AFDN: variants seen among roughly 807,000 people sequenced by gnomAD.
AFDN encodes the protein afadin.
A neutral mutation model predicts 216.6 loss-of-function variants in AFDN; 68 were observed. The ratio of observed to expected loss-of-function variants is 0.31; its 90% CI spans 0.26 to 0.38. AFDN has a LOEUF of 0.38. Ranked by LOEUF, AFDN falls within the 10% of genes least tolerant of loss-of-function variation. AFDN has a pLI of 1.00. For synonymous variants in AFDN, 868 were observed against 853.7 expected (o/e 1.02, Z -0.29); for missense variants, 2,136 against 2,342.0 (o/e 0.91, Z 1.82).
chr6:167,969,021 AT>A, intron 32 of AFDN, 92 bp from the exon 33 acceptor site: 1 of 981,904 alleles, frequency 1.0e-6, no homozygotes, highest in Non-Finnish European at 1.6e-6. Flanking sequence ...CAGTAAAGGT[AT>A]TTTTGTATTC....
intron 11 of AFDN, among the ~76,000 whole-genome samples, chr6:167,901,767 T>C (rs1788985856): frequency 6.6e-6 from 1 of 151,996 alleles, no homozygotes; most frequent in Non-Finnish European, 1.5e-5. Context: ...ACCTGGTTTT[T>C]TATGTTCCGT....
At chr6:167,893,113 C>G (rs1372591294) in intron 8 of AFDN, among the ~76,000 whole-genome samples, 2 of 152,142 alleles carry the variant, frequency 1.3e-5, no homozygotes, top group African/African-American at 2.4e-5. Context: ...TTAACTTGTT[C>G]CACAAATGTC....
chr6:167,946,613 T>G, intron 26 of AFDN, 94 bp from the exon 27 acceptor site: 1 of 1,152,364 alleles, frequency 8.7e-7, no homozygotes, highest in Non-Finnish European at 1.2e-6. Flanking sequence ...ATCACCTTAT[T>G]TCTTATGCTA....
At chr6:167,891,937 G>A (rs1787667699) in intron 8 of AFDN, among the ~76,000 whole-genome samples, 2 of 152,216 alleles carry the variant, frequency 1.3e-5, no homozygotes, top group Admixed American at 6.5e-5. Flanking sequence ...TATGATATAT[G>A]GCTCCATGAA....
intron 1 of AFDN, among the ~76,000 whole-genome samples, chr6:167,853,175 C>G (rs1234530539): frequency 6.6e-6 from 1 of 152,014 alleles, no homozygotes; most frequent in African/African-American, 2.4e-5. Context: ...ACTGATGTTT[C>G]CAATTCAGAA....
intron 10 of AFDN, among the ~76,000 whole-genome samples, chr6:167,897,642 CTTTTTTTTTTT>C (rs57383020): frequency 6.7e-5 from 6 of 89,750 alleles, no homozygotes; most frequent in African/African-American, 3.0e-4. Context: ...GACTGTATGC[CTTTTTTTTTTT>C]TTTTTTTTTT....
intron 1 of AFDN, among the ~76,000 whole-genome samples, chr6:167,834,271 A>G (rs1246532214): frequency 6.6e-6 from 1 of 152,026 alleles, no homozygotes; most frequent in Non-Finnish European, 1.5e-5. Context: ...CTTTTCCCCG[A>G]GTCCCCGAAG....
At chr6:167,929,228 T>C (rs1008019805) in intron 23 of AFDN, among the ~76,000 whole-genome samples, 15 of 147,220 alleles carry the variant, frequency 1.0e-4, no homozygotes, top group Middle Eastern at 3.4e-3. Context: ...TTTTAAACTT[T>C]AAATCTCCAG....
chr6:167,930,192 A>T (rs1293938926), intron 23 of AFDN, among the ~76,000 whole-genome samples: 1 of 152,194 alleles, frequency 6.6e-6, no homozygotes, highest in Non-Finnish European at 1.5e-5. Flanking sequence ...GTAACAGGGC[A>T]AGACCCTGTC....
intron 1 of AFDN, among the ~76,000 whole-genome samples, chr6:167,849,052 G>A (rs368527505): frequency 3.3e-5 from 5 of 152,286 alleles, no homozygotes; most frequent in African/African-American, 1.2e-4. Flanking sequence ...TATTAGCTCT[G>A]TGAACATGGT....
At chr6:167,902,613 C>A (rs1247394626) in intron 12 of AFDN, among the ~76,000 whole-genome samples, 1 of 152,162 alleles carries the variant, frequency 6.6e-6, no homozygotes, top group African/African-American at 2.4e-5. Flanking sequence ...CACACTAAGA[C>A]ATTAACAACA....
rs376019281 is a variant in AFDN at position 167,940,555 on chromosome 6, G to A, written c.3100-2574G>A. Among the ~76,000 whole-genome samples, 13 of 36,706 alleles carry A rather than the reference G, an allele frequency of 3.5e-4. 2 individuals are homozygous for A. Among genetic ancestry groups the A allele is most frequent in the Admixed American group, 5.1e-4 (2 of 3,932 alleles). 24.1% of individuals were successfully genotyped at this position (36,706 alleles called of 152,430 possible). ...GAGAGATGTGTGGACAGACACAGAG[G>A]GATGTAGGGGTGAGGGTGGAAACCA... On this transcript the variant is annotated intron_variant, in intron 23 of 33. Transcript: ENST00000683244.
chr6:167,922,651 A>C (rs77946066), intron 21 of AFDN, among the ~76,000 whole-genome samples: 161 of 152,302 alleles, frequency 1.1e-3, no homozygotes, highest in Non-Finnish European at 1.7e-3. Flanking sequence ...ATTTTACTTT[A>C]CTGCTTGGTG....
At chr6:167,927,629 G>A (rs963455932) in intron 23 of AFDN, among the ~76,000 whole-genome samples, 2 of 152,148 alleles carry the variant, frequency 1.3e-5, no homozygotes, top group Admixed American at 6.5e-5. Context: ...TAGCGTATGG[G>A]TTGAAGGTGA....
At chr6:167,884,635 G>T (rs1403728460) in intron 6 of AFDN, among the ~76,000 whole-genome samples, 1 of 151,924 alleles carries the variant, frequency 6.6e-6, no homozygotes, top group Non-Finnish European at 1.5e-5. Flanking sequence ...CCCAACAGTG[G>T]GCTCAAAATA....
Position 167,851,159 on chromosome 6 carries a change from G to A in AFDN, c.106-13392G>A, listed in dbSNP as rs144098689. On this transcript the variant is annotated intron_variant, in intron 1 of 33. Transcript: ENST00000683244. The stretch of plus-strand genomic sequence containing the variant: ...AAGTTTGATGGTTTTCATTTTTCAC[G>A]TCATATATACAGATCTTTAATATAT... 4.0e-3 allele frequency among the ~76,000 whole-genome samples: 610 copies of A among 152,132 alleles called. 6 individuals carry two copies. The highest frequency in any genetic ancestry group is 0.014 in the African/African-American group (573 of 41,494).
In AFDN at chr6:167,889,345, G is replaced by T. The variant is rs1787274586; in HGVS notation, c.1009+19G>T. 1.3e-6 allele frequency: 2 copies of T among 1,521,172 alleles called. No individual in the cohort carries two copies. Among genetic ancestry groups the T allele is most frequent in the Non-Finnish European group, 1.8e-6 (2 of 1,095,862 alleles). 94.2% of individuals were successfully genotyped at this position (1,521,172 alleles called of 1,614,324 possible). Reference sequence around the variant, plus strand: ...GACAAAGGTAGTAACCTTATTAAAGGATTACTTACACCAGATTCCTATGTG... The same window carrying T: ...GACAAAGGTAGTAACCTTATTAAAGTATTACTTACACCAGATTCCTATGTG... On this transcript the variant is annotated intron_variant, in intron 7 of 33. Transcript: ENST00000683244.
chr6:167,864,524 A>G (rs1348313442), intron 1 of AFDN, 27 bp from the exon 2 acceptor site: 5 of 1,594,954 alleles, frequency 3.1e-6, no homozygotes, highest in Non-Finnish European at 4.3e-6. Context: ...TTGTTTTCCA[A>G]AAATGTACCA....
At chr6:167,942,137 C>T (rs1189314192) in intron 23 of AFDN, among the ~76,000 whole-genome samples, 1 of 152,140 alleles carries the variant, frequency 6.6e-6, no homozygotes, top group Non-Finnish European at 1.5e-5. Context: ...ATCAACAGTG[C>T]TGGCCAGTCA....
Sources: gnomAD v4.1 joint callset for allele counts (sites outside exome capture counted in the v4.1 genomes callset) on GRCh38, gnomAD v4.1.1 for gene constraint, MANE v1.5 for transcripts, NCBI Gene and HGNC (gene_info 2026-07-23, HGNC 2026-07-21) for gene names.